The following PDPR variants were observed in gnomAD, a reference collection of about 807,000 sequenced individuals.
PDPR encodes pyruvate dehydrogenase phosphatase regulatory subunit, mitochondrial.
In PDPR, 50 loss-of-function variants were observed where a neutral mutation model predicts 102.2. The ratio of observed to expected loss-of-function variants is 0.49; its 90% CI spans 0.39 to 0.62. The LOEUF is 0.62. Among genes scored for constraint, PDPR ranks in the 20% least tolerant of loss-of-function variants. PDPR has a pLI of 0.00. For missense variants in PDPR, 625 were observed against 1,098.2 expected, an observed-to-expected ratio of 0.57 and a Z score of 6.09; for synonymous variants, 259 against 406.0, an observed-to-expected ratio of 0.64 and a Z score of 4.35.
At chr16:70,129,767 A>G (rs1484045287) in intron 6 of PDPR, among the ~76,000 whole-genome samples, 4 of 152,396 alleles carry the variant, frequency 2.6e-5, no homozygotes, top group Non-Finnish European at 5.9e-5. Context: ...GTTGCATTGA[A>G]TGAGGGGAAG....
At chr16:70,143,403 A>G (rs1965929173) in intron 13 of PDPR, 107 bp from the exon 14 acceptor site, 1 of 1,366,844 alleles carries the variant, frequency 7.3e-7, no homozygotes, top group Non-Finnish European at 1.0e-6. Flanking sequence ...GTCACATGGG[A>G]ATTGGCTGAT....
intron 18 of PDPR, among the ~76,000 whole-genome samples, chr16:70,155,755 C>T (rs1967091436): frequency 6.6e-6 from 1 of 151,518 alleles, no homozygotes; most frequent in African/African-American, 2.4e-5. Flanking sequence ...TGTGTGTATG[C>T]ATTGAATATA....
intron 16 of PDPR, among the ~76,000 whole-genome samples, chr16:70,147,372 TAC>T (rs1330117788): frequency 2.6e-5 from 4 of 152,396 alleles, no homozygotes; most frequent in African/African-American, 9.6e-5. Flanking sequence ...AATTTGAAGT[TAC>T]AGGATTATGA....
intron 10 of PDPR, among the ~76,000 whole-genome samples, chr16:70,137,437 G>T (rs867101430): frequency 1.5e-4 from 23 of 152,366 alleles, no homozygotes; most frequent in Non-Finnish European, 1.9e-4. Context: ...ATACCGTGTG[G>T]TTCCACTTAT....
chr16:70,133,271 G>A (rs1964732641), intron 9 of PDPR, among the ~76,000 whole-genome samples: 1 of 151,680 alleles, frequency 6.6e-6, no homozygotes, highest in African/African-American at 2.4e-5. Flanking sequence ...ACAAGCGCCT[G>A]CCACCACTCC....
intron 7 of PDPR, among the ~76,000 whole-genome samples, chr16:70,130,784 T>C: frequency 6.6e-6 from 1 of 152,400 alleles, no homozygotes; most frequent in African/African-American, 2.4e-5. Flanking sequence ...CAGCAAATGG[T>C]CAGGCATTGA....
chr16:70,127,680 A>T (rs1964115926), intron 4 of PDPR, among the ~76,000 whole-genome samples: 1 of 152,288 alleles, frequency 6.6e-6, no homozygotes, highest in Admixed American at 6.5e-5. Context: ...TGAAAATAAG[A>T]TACCAAATTG....
chr16:70,126,959 C>T (rs1438519723), intron 3 of PDPR, among the ~76,000 whole-genome samples: 3 of 152,260 alleles, frequency 2.0e-5, no homozygotes, highest in African/African-American at 2.4e-5. Context: ...CTCCTCTGGC[C>T]TTAGCCTCCC....
chr16:70,116,441 A>G (rs944108986), intron 2 of PDPR, among the ~76,000 whole-genome samples: 2 of 149,570 alleles, frequency 1.3e-5, no homozygotes, highest in African/African-American at 2.5e-5. Flanking sequence ...GTGCAGTAGC[A>G]TAATCTCGGC....
At chr16:70,150,091 C>CTTTTTTTT (rs59657802) in intron 17 of PDPR, among the ~76,000 whole-genome samples, 1 of 136,330 alleles carries the variant, frequency 7.3e-6, no homozygotes, top group African/African-American at 2.8e-5. Flanking sequence ...ACCCGGCCGG[C>CTTTTTTTT]TTTTTTTTTT....
intron 17 of PDPR, among the ~76,000 whole-genome samples, chr16:70,149,497 C>G (rs541503035): frequency 3.1e-4 from 47 of 152,342 alleles, no homozygotes; most frequent in African/African-American, 8.9e-4. Context: ...AACTCCTGAC[C>G]TCAAGTGGTC....
intron 10 of PDPR, among the ~76,000 whole-genome samples, chr16:70,137,351 A>G (rs1251973128): frequency 1.3e-5 from 2 of 152,336 alleles, no homozygotes; most frequent in African/African-American, 2.4e-5. Context: ...GCGAGACTCT[A>G]TCTCAATAAA....
intron 18 of PDPR, among the ~76,000 whole-genome samples, chr16:70,155,345 G>A (rs1227088372): frequency 1.3e-5 from 2 of 152,140 alleles, no homozygotes; most frequent in Non-Finnish European, 1.5e-5. Context: ...GCAGTGGCGC[G>A]ATCTCAGCTC....
intron 3 of PDPR, among the ~76,000 whole-genome samples, chr16:70,126,546 G>C (rs779278139): frequency 4.6e-5 from 7 of 152,188 alleles, no homozygotes; most frequent in Non-Finnish European, 8.8e-5. Flanking sequence ...TGTATTTTTT[G>C]TAGAGACGGG....
chr16:70,117,632 G>A lies in PDPR; in HGVS notation c.-33+2702G>A, dbSNP rs190665190. On this transcript the variant is annotated intron_variant, in intron 2 of 18. Coordinates refer to ENST00000288050, the MANE Select transcript of PDPR (RefSeq NM_017990.5). ...AACAGCATGCACAGAACCTGGAGCC[G>A]AATAGAACACTCACGCCTCACCTGA... 2.9e-4 allele frequency among the ~76,000 whole-genome samples: 44 copies of A among 152,262 alleles called. 1 individual carries two copies. The highest frequency in any genetic ancestry group is 9.6e-4 in the African/African-American group (40 of 41,564).
At chr16:70,163,339 TGTC>T (rs1386952227), downstream of PDPR, among the ~76,000 whole-genome samples, 1 of 152,238 alleles carries the variant, frequency 6.6e-6, no homozygotes, top group Non-Finnish European at 1.5e-5. Flanking sequence ...CTCTTCATCT[TGTC>T]TTCTAAATCA....
In PDPR at chr16:70,116,063, C is replaced by CAG. The variant is rs777576722; in HGVS notation, c.-33+1137_-33+1138dup. ...TTGAAGGTCATAATGAACACAAGGT[C>CAG]AGAGATCCCTTTTTTGGCGCCAAGC... On this transcript the variant is annotated intron_variant, in intron 2 of 18. Transcript: ENST00000288050. 1.6e-3 allele frequency among the ~76,000 whole-genome samples: 233 copies of CAG among 148,866 alleles called. 2 individuals are homozygous for CAG. Among genetic ancestry groups the CAG allele is most frequent in the Non-Finnish European group, 1.5e-3 (103 of 67,186 alleles).
intron 4 of PDPR, among the ~76,000 whole-genome samples, 153 bp from the exon 5 acceptor site, chr16:70,128,628 ATAG>A (rs2152075375): frequency 6.6e-6 from 1 of 152,402 alleles, no homozygotes; most frequent in South Asian, 2.1e-4. Flanking sequence ...AAAATTTTGC[ATAG>A]AAGCTCAGAG....
chr16:70,155,985 G>C (rs1448829695), intron 18 of PDPR, among the ~76,000 whole-genome samples: 1 of 152,156 alleles, frequency 6.6e-6, no homozygotes, highest in African/African-American at 2.4e-5. Flanking sequence ...TGCCTCCCAG[G>C]TTCAAGTGAT....
Sources: gnomAD v4.1 joint callset for allele counts (sites outside exome capture counted in the v4.1 genomes callset) on GRCh38, gnomAD v4.1.1 for gene constraint, MANE v1.5 for transcripts, NCBI Gene and HGNC (gene_info 2026-07-23, HGNC 2026-07-21) for gene names.